Variants in ABCA12 observed in about 807,000 individuals in gnomAD.
ABCA12 encodes glucosylceramide transporter ABCA12.
In ABCA12, 156 loss-of-function variants were observed where a neutral mutation model predicts 293.5. That is an observed-to-expected ratio of 0.53 (90% CI 0.47 to 0.61). The LOEUF (loss-of-function observed/expected upper bound fraction) is 0.61, where lower values mean the gene tolerates loss of function less well. ABCA12 is among the 20% of genes least tolerant of loss of function. The pLI is 0.00. For missense variants in ABCA12, 2,797 were observed against 3,090.2 expected, an observed-to-expected ratio of 0.91 and a Z score of 2.25; for synonymous variants, 1,063 against 1,108.0, an observed-to-expected ratio of 0.96 and a Z score of 0.81.
In ABCA12 at chr2:214,932,691, G is replaced by C; in HGVS notation, c.7731C>G (p.Thr2577=). Residue 2577 remains threonine, a synonymous_variant, in exon 53 of 53, where the codon ACC becomes ACG. Transcript: ENST00000272895. ...KDQKSYETAD[T]SSQGSTISVD... ...CACTTATAGTGGAACCTTGGCTGCT[G>C]GTATCAGCAGTTTCATAGGACTTCT... 1 of 1,613,606 alleles carries C rather than the reference G, an allele frequency of 6.2e-7. No homozygotes were observed. Among genetic ancestry groups the C allele is most frequent in the Non-Finnish European group, 8.5e-7 (1 of 1,179,752 alleles).
intron 2 of ABCA12, among the ~76,000 whole-genome samples, chr2:215,083,886 G>T (rs143083642): frequency 1.3e-5 from 2 of 152,098 alleles, no homozygotes; most frequent in Non-Finnish European, 2.9e-5. Flanking sequence ...ATTTGGTATG[G>T]TTTGGTCTTT....
chr2:215,009,763 G>C (rs569947189), intron 18 of ABCA12, among the ~76,000 whole-genome samples: 69 of 152,188 alleles, frequency 4.5e-4, no homozygotes, highest in East Asian at 1.9e-4. Context: ...AAAAGTACTA[G>C]GTTTATAAAT....
chr2:215,067,582 A>G (rs1701661569), intron 2 of ABCA12, among the ~76,000 whole-genome samples: 1 of 152,162 alleles, frequency 6.6e-6, no homozygotes, highest in Admixed American at 6.6e-5. Context: ...AGAATCTGCC[A>G]ATTTCATAGG....
intron 1 of ABCA12, among the ~76,000 whole-genome samples, chr2:215,136,599 C>T (rs766820776): frequency 3.3e-5 from 5 of 152,152 alleles, no homozygotes; most frequent in Non-Finnish European, 7.4e-5. Flanking sequence ...TTATCACTTA[C>T]AAACTTGACT....
chr2:215,100,339 CT>C (rs1702332333), intron 2 of ABCA12, among the ~76,000 whole-genome samples: 1 of 152,102 alleles, frequency 6.6e-6, no homozygotes, highest in African/African-American at 2.4e-5. Context: ...CCCCTTCTGC[CT>C]CTTGAAAGCC....
At chr2:214,996,573 A>G (rs912664847) in intron 23 of ABCA12, among the ~76,000 whole-genome samples, 1 of 152,220 alleles carries the variant, frequency 6.6e-6, no homozygotes, top group African/African-American at 2.4e-5. Context: ...TTAGAAAACC[A>G]TTGCATACAG....
At chr2:215,038,734 G>T (rs1223559319) in intron 7 of ABCA12, among the ~76,000 whole-genome samples, 1 of 152,134 alleles carries the variant, frequency 6.6e-6, no homozygotes, top group Non-Finnish European at 1.5e-5. Flanking sequence ...CTGACCTATT[G>T]TCCCAAAGTA....
chr2:214,989,770 A>C, intron 24 of ABCA12, 149 bp from the exon 25 acceptor site: 1 of 804,296 alleles, frequency 1.2e-6, no homozygotes, highest in Non-Finnish European at 2.0e-6. Context: ...GCAGTCCCTT[A>C]CCAACCATGC....
chr2:214,990,240 T>C (rs1699882647), intron 24 of ABCA12, among the ~76,000 whole-genome samples: 1 of 152,216 alleles, frequency 6.6e-6, no homozygotes, highest in Admixed American at 6.5e-5. Flanking sequence ...AATTTAGTGC[T>C]TCTGAATTGA....
chr2:215,010,979 C>T (rs1317105971), intron 17 of ABCA12, among the ~76,000 whole-genome samples: 4 of 152,130 alleles, frequency 2.6e-5, no homozygotes, highest in East Asian at 1.9e-4. Context: ...TGATGTGCCA[C>T]GAGACATTTA....
intron 2 of ABCA12, among the ~76,000 whole-genome samples, chr2:215,102,191 CATT>C (rs1252362606): frequency 1.3e-5 from 2 of 152,276 alleles, no homozygotes; most frequent in Admixed American, 6.5e-5. Context: ...ACTCGTACCT[CATT>C]ATTTAATTTT....
At chr2:215,002,935 C>A (rs1559140620) in intron 20 of ABCA12, among the ~76,000 whole-genome samples, 1 of 152,092 alleles carries the variant, frequency 6.6e-6, no homozygotes, top group Non-Finnish European at 1.5e-5. Context: ...TTAGAAATGA[C>A]AAAATTTATC....
At chr2:214,945,906 A>T (rs1698567019) in intron 48 of ABCA12, among the ~76,000 whole-genome samples, 1 of 152,132 alleles carries the variant, frequency 6.6e-6, no homozygotes, top group East Asian at 1.9e-4. Flanking sequence ...GAGTAGAATA[A>T]TGGTTACTGG....
At chr2:215,116,129 C>T (rs976179277) in intron 1 of ABCA12, among the ~76,000 whole-genome samples, 5 of 152,070 alleles carry the variant, frequency 3.3e-5, no homozygotes, top group Non-Finnish European at 7.4e-5. Context: ...TCCTAATTCC[C>T]AAATGTATAA....
Position 215,138,327 on chromosome 2 carries a change from T to C in ABCA12, c.-119A>G. 2 of 1,056,822 alleles carry C rather than the reference T, an allele frequency of 1.9e-6. No individual in the cohort carries two copies. Among genetic ancestry groups the C allele is most frequent in the Non-Finnish European group, 3.0e-6 (2 of 676,588 alleles). 65.5% of individuals were successfully genotyped at this position (1,056,822 alleles called of 1,614,324 possible). The stretch of plus-strand genomic sequence containing the variant: ...ATCAGTACCCCTTTCACGGCATAGC[T>C]TCCTTGAGGGCTGGGGTAAGAAACC... On this transcript the variant is annotated 5_prime_UTR_variant, in exon 1 of 53. Coordinates refer to ENST00000272895, the MANE Select transcript of ABCA12 (RefSeq NM_173076.3).
intron 1 of ABCA12, among the ~76,000 whole-genome samples, chr2:215,113,007 T>C (rs1253504743): frequency 6.6e-6 from 1 of 152,128 alleles, no homozygotes; most frequent in Non-Finnish European, 1.5e-5. Flanking sequence ...AGGGACAAAT[T>C]TTGCCTATAC....
chr2:214,989,465 T>G lies in ABCA12; in HGVS notation c.3695-2A>C. 1 of 1,613,556 alleles carries G rather than the reference T, an allele frequency of 6.2e-7. No homozygotes were observed. The highest frequency in any genetic ancestry group is 8.5e-7 in the Non-Finnish European group (1 of 1,179,866). On this transcript the variant is annotated splice_acceptor_variant, in intron 25 of 52. Coordinates refer to ENST00000272895, the MANE Select transcript of ABCA12 (RefSeq NM_173076.3). LOFTEE classifies it high-confidence loss of function. Reference sequence around the variant, plus strand: ...TGTACATATTTTCCCACTGAAGACCTAAAAAGTGAACACAAGTGTTTATTC... The same window carrying G: ...TGTACATATTTTCCCACTGAAGACCGAAAAAGTGAACACAAGTGTTTATTC...
chr2:214,982,424 A>G, intron 29 of ABCA12, 41 bp from the exon 30 acceptor site: 4 of 1,529,548 alleles, frequency 2.6e-6, no homozygotes, highest in Non-Finnish European at 3.6e-6. Flanking sequence ...TTACAGATAT[A>G]CTATTTGAGT....
chr2:215,126,206 G>C (rs1321840426), intron 1 of ABCA12, among the ~76,000 whole-genome samples: 1 of 152,004 alleles, frequency 6.6e-6, no homozygotes, highest in Admixed American at 6.6e-5. Context: ...CAAGTATTTT[G>C]TTAAGGATTT....
Sources: allele counts gnomAD v4.1 joint callset (sites outside exome capture counted in the v4.1 genomes callset), GRCh38; gene constraint gnomAD v4.1.1; transcripts MANE v1.5; gene names NCBI Gene and HGNC (gene_info 2026-07-23, HGNC 2026-07-21).